The following OPA3 variants were observed in gnomAD, a reference collection of about 807,000 sequenced individuals.
OPA3 encodes optic atrophy 3 protein.
In OPA3, 6 loss-of-function variants were observed where a neutral mutation model predicts 4.0. The observed-to-expected ratio is 1.51, with a 90% confidence interval of 0.83 to 2.99. The LOEUF (loss-of-function observed/expected upper bound fraction) is 2.99. OPA3 is among the 30% of genes most tolerant of loss of function. The probability of loss-of-function intolerance (pLI) is 0.00; values close to 1 mark genes in which losing one functional copy is unlikely to be tolerated. For missense variants in OPA3, 235 were observed against 256.2 expected (o/e 0.92, Z 0.56); for synonymous variants, 105 against 117.1 (o/e 0.90, Z 0.67).
chr19:45,556,989 T>C (rs1969430396), intron 1 of OPA3, among the ~76,000 whole-genome samples: 1 of 152,164 alleles, frequency 6.6e-6, no homozygotes, highest in Non-Finnish European at 1.5e-5. Flanking sequence ...ATCCTGACAA[T>C]GACACTCGCC....
At chr19:45,582,553 A>C (rs1040746360) in intron 1 of OPA3, among the ~76,000 whole-genome samples, 2 of 148,332 alleles carry the variant, frequency 1.3e-5, no homozygotes, top group Admixed American at 1.3e-4. Context: ...TCGGTGGAGC[A>C]GAGTTTTTAA....
In OPA3 at chr19:45,529,441, T is replaced by A. The variant is rs749841549; in HGVS notation, c.158A>T (p.Glu53Val). The change falls in exon 2 of 2, where the codon GAG (glutamate) becomes GTG (valine). Residue 53 changes from glutamate (E) to valine (V), a missense_variant. Coordinates refer to the OPA3 transcript ENST00000323060. ...CATGATGCGCATTTTGGTCCGCATC[T>A]CCAGCCAGTGGTACACTGCAGGAAA... is the stretch of plus-strand genomic sequence containing the variant. 9.9e-6 allele frequency: 16 copies of A among 1,614,058 alleles called. No homozygotes were observed. The East Asian group carries it at 3.6e-4, about 36-fold the overall frequency.
chr19:45,578,164 C>A (rs1464058096), intron 1 of OPA3, among the ~76,000 whole-genome samples: 1 of 152,164 alleles, frequency 6.6e-6, no homozygotes, highest in Non-Finnish European at 1.5e-5. Flanking sequence ...ATGGTAACAG[C>A]CCTTTCCCAA....
intron 1 of OPA3, among the ~76,000 whole-genome samples, chr19:45,534,071 A>G (rs1969089203): frequency 6.6e-6 from 1 of 152,220 alleles, no homozygotes; most frequent in Non-Finnish European, 1.5e-5. Context: ...GAACCTTCCA[A>G]TTGAAGGAAT....
Position 45,550,129 on chromosome 19 carries a change from T to C in OPA3, c.*3385A>G, listed in dbSNP as rs1969310318. Reference sequence around the variant, plus strand: ...GCCGAGATTGCACCACTGCACTCCGTCAGGGTGACGGAGCTAGACTGTCTC... The same window carrying C: ...GCCGAGATTGCACCACTGCACTCCGCCAGGGTGACGGAGCTAGACTGTCTC... On this transcript the variant is annotated 3_prime_UTR_variant, in exon 2 of 2. Coordinates refer to ENST00000263275, the MANE Select transcript of OPA3 (RefSeq NM_025136.4). The C allele has an allele frequency of 1.2e-6, 1 of 862,004 alleles. No homozygotes were observed. The highest frequency in any genetic ancestry group is 1.4e-6 in the Non-Finnish European group (1 of 717,446). The allele number at this position is 862,004 out of a possible 1,614,324, so 53.4% of individuals were successfully genotyped here.
chr19:45,544,458 G>A (rs1339727491), downstream of OPA3, among the ~76,000 whole-genome samples: 2 of 152,036 alleles, frequency 1.3e-5, no homozygotes, highest in African/African-American at 4.8e-5. Context: ...TCGGGAGTTC[G>A]AGACCAGCCT....
Position 45,530,013 on chromosome 19 carries a change from T to C in OPA3, c.143-557A>G, listed in dbSNP as rs548936811. 1.8e-4 allele frequency among the ~76,000 whole-genome samples: 27 copies of C among 152,222 alleles called. No individual in the cohort carries two copies. The South Asian group carries it at 5.4e-3, about 30-fold the overall frequency. On this transcript the variant is annotated intron_variant, in intron 1 of 1. Transcript: ENST00000323060. ...CCTCCCAAAGTGCTGGGACTGCAGG[T>C]GTGAGCCACGGAGCGCGGCCCTGAG...
At chr19:45,554,052 A>C in intron 1 of OPA3, 141 bp from the exon 2 acceptor site, 2 of 685,584 alleles carry the variant, frequency 2.9e-6, no homozygotes, top group Non-Finnish European at 4.9e-6. Flanking sequence ...AGCAGCCAGG[A>C]ATAAGAAACA....
rs924482523 is a variant in OPA3, at chr19:45,549,543, C to T, written c.*3971G>A. The T allele has an allele frequency of 4.9e-5, 46 of 948,242 alleles. No homozygotes were observed. Among genetic ancestry groups the T allele is most frequent in the Middle Eastern group, 1.1e-3 (2 of 1,878 alleles). The allele number at this position is 948,242 out of a possible 1,614,324, so 58.7% of individuals were successfully genotyped here. A position where few individuals can be genotyped will look rare whatever the true frequency, so the allele number is the denominator to read the frequency against. On this transcript the variant is annotated 3_prime_UTR_variant, in exon 2 of 2. Coordinates refer to ENST00000263275, the MANE Select transcript of OPA3 (RefSeq NM_025136.4). ...TCACCCAGGCTGGAGTGCAGTGGCG[C>T]GATCTCAGCTCACTGCAACCTCCAC...
chr19:45,529,470 C>T, intron 1 of OPA3: 1 of 1,610,902 alleles, frequency 6.2e-7, no homozygotes, highest in Middle Eastern at 1.7e-4. Context: ...CAGGAAAAGA[C>T]AGGAGTCAGG....
intron 1 of OPA3, among the ~76,000 whole-genome samples, chr19:45,529,882 C>A (rs1354460378): frequency 6.6e-6 from 1 of 152,062 alleles, no homozygotes; most frequent in African/African-American, 2.4e-5. Context: ...AACGTGTGCG[C>A]GCCATCATGC....
At chr19:45,538,211 G>T (rs763463849) in intron 1 of OPA3, among the ~76,000 whole-genome samples, 13 of 149,196 alleles carry the variant, frequency 8.7e-5, no homozygotes, top group Non-Finnish European at 1.6e-4. Context: ...TAGGAGGATT[G>T]CTTGAGACCA....
downstream of OPA3, among the ~76,000 whole-genome samples, chr19:45,545,164 C>CAAAAAA (rs779193252): frequency 1.7e-4 from 7 of 40,784 alleles, no homozygotes; most frequent in South Asian, 1.3e-3. Context: ...GACACCGTCT[C>CAAAAAA]AAAAAAAAAA....
At chr19:45,562,538 G>A (rs199869921) in intron 1 of OPA3, among the ~76,000 whole-genome samples, 61 of 14,370 alleles carry the variant, frequency 4.2e-3, no homozygotes, top group East Asian at 0.025. Flanking sequence ...AAAAAAAAAA[G>A]ATTAGCTGGG....
chr19:45,550,761 C>T lies in OPA3; in HGVS notation c.*2753G>A. 1.0e-6 allele frequency: 1 copy of T among 985,886 alleles called. No individual in the cohort carries two copies. The highest frequency in any genetic ancestry group is 1.2e-6 in the Non-Finnish European group (1 of 829,992). The allele number at this position is 985,886 out of a possible 1,614,324, so 61.1% of individuals were successfully genotyped here. Reference sequence around the variant, plus strand: ...GATCCACATGGTGGTTCAGGTACAGCCTCAGGATGCCTTCATCACCTTGCA... The same window carrying T: ...GATCCACATGGTGGTTCAGGTACAGTCTCAGGATGCCTTCATCACCTTGCA... On this transcript the variant is annotated 3_prime_UTR_variant, in exon 2 of 2. Coordinates refer to ENST00000263275, the MANE Select transcript of OPA3 (RefSeq NM_025136.4).
chr19:45,579,580 A>G lies in OPA3; in HGVS notation c.142+5043T>C, dbSNP rs530040336. On this transcript the variant is annotated intron_variant, in intron 1 of 1. Coordinates refer to ENST00000263275, the MANE Select transcript of OPA3 (RefSeq NM_025136.4). ...ACAAGAATGTAAGGTACCTGAGGGC[A>G]AGATGTTTTGCTTTTTCCTGCCTGT... Among the ~76,000 whole-genome samples the G allele has an allele frequency of 5.0e-3, 760 of 152,232 alleles. 5 individuals carry two copies. The highest frequency in any genetic ancestry group is 9.1e-3 in the Non-Finnish European group (616 of 68,008).
chr19:45,577,234 A>G (rs1046133697), intron 1 of OPA3, among the ~76,000 whole-genome samples: 13 of 152,210 alleles, frequency 8.5e-5, no homozygotes, highest in Admixed American at 2.0e-4. Context: ...TCAGGCAGCC[A>G]CAGCTACTGC....
In OPA3 at chr19:45,548,531, A is replaced by G. The variant is rs1197601662; in HGVS notation, c.*4983T>C. 2 of 985,316 alleles carry G rather than the reference A, an allele frequency of 2.0e-6. No individual in the cohort carries two copies. The highest frequency in any genetic ancestry group is 1.2e-6 in the Non-Finnish European group (1 of 829,962). 61.0% of individuals were successfully genotyped at this position (985,316 alleles called of 1,614,324 possible). On this transcript the variant is annotated 3_prime_UTR_variant, in exon 2 of 2. Transcript: ENST00000263275. ...GGTGGGGCAGGGAACACTGGAAAAG[A>G]AATGTACGTGTGAGCATCTGTAAGA...
At chr19:45,555,336 T>C (rs1255341225) in intron 1 of OPA3, among the ~76,000 whole-genome samples, 3 of 152,092 alleles carry the variant, frequency 2.0e-5, no homozygotes, top group Non-Finnish European at 4.4e-5. Context: ...AGAGCTTGTT[T>C]TTATTTGTAT....
Sources: allele counts gnomAD v4.1 joint callset (sites outside exome capture counted in the v4.1 genomes callset), GRCh38; gene constraint gnomAD v4.1.1; transcripts MANE v1.5; gene names NCBI Gene and HGNC (gene_info 2026-07-23, HGNC 2026-07-21).